Variants in ZNF722 observed in about 807,000 individuals in gnomAD.
The protein encoded by ZNF722 is zinc finger protein 722.
the ZNF722 span, among the ~76,000 whole-genome samples, chr7:64,008,646 G>C: frequency 3.3e-5 from 5 of 152,166 alleles, no homozygotes; most frequent in African/African-American, 4.8e-5. Flanking sequence ...GGTTACTGTA[G>C]CCTTGTAGTA....
At chr7:64,005,776 C>A in the ZNF722 span, 39 of 1,450,688 alleles carry the variant, frequency 2.7e-5, no homozygotes, top group Non-Finnish European at 3.7e-5. Flanking sequence ...TAATATATTG[C>A]CTTTCTCTCT....
chr7:64,015,463 G>A, the ZNF722 span: 17 of 1,611,024 alleles, frequency 1.1e-5, no homozygotes, highest in South Asian at 1.9e-4. Flanking sequence ...ACACATAAAA[G>A]AATTCATACT....
At chr7:64,004,564 G>A in the ZNF722 span, among the ~76,000 whole-genome samples, 1 of 150,660 alleles carries the variant, frequency 6.6e-6, no homozygotes, top group African/African-American at 2.4e-5. Context: ...TCCTAATAAA[G>A]TTGATAACAA....
the ZNF722 span, chr7:64,015,380 A>G: frequency 6.6e-7 from 1 of 1,512,848 alleles, no homozygotes; most frequent in Non-Finnish European, 9.1e-7. Flanking sequence ...AACATCAGAT[A>G]ATTCATACTA....
chr7:64,014,790 A>G, the ZNF722 span, among the ~76,000 whole-genome samples: 2 of 152,108 alleles, frequency 1.3e-5, no homozygotes, highest in South Asian at 4.1e-4. Context: ...TTTTCTTTCT[A>G]TATGGCTTTT....
At chr7:64,001,558 G>C in the ZNF722 span, among the ~76,000 whole-genome samples, 2 of 152,244 alleles carry the variant, frequency 1.3e-5, no homozygotes, top group African/African-American at 2.4e-5. Flanking sequence ...AAACATACAT[G>C]TGCATGTGTC....
chr7:64,006,803 T>A, the ZNF722 span, among the ~76,000 whole-genome samples: 1 of 146,544 alleles, frequency 6.8e-6, no homozygotes, highest in Non-Finnish European at 1.5e-5. Context: ...TTTACAAATT[T>A]TTTTCATTTT....
chr7:64,013,307 G>A, the ZNF722 span, among the ~76,000 whole-genome samples: 13 of 151,856 alleles, frequency 8.6e-5, no homozygotes, highest in African/African-American at 1.9e-4. Context: ...TTTTGAAGCC[G>A]TGATGTTATA....
the ZNF722 span, among the ~76,000 whole-genome samples, chr7:64,006,799 A>G: frequency 6.7e-6 from 1 of 148,998 alleles, no homozygotes. Flanking sequence ...TTTTTTTACA[A>G]ATTTTTTTCA....
the ZNF722 span, among the ~76,000 whole-genome samples, chr7:63,999,865 T>A: frequency 6.6e-6 from 1 of 151,564 alleles, no homozygotes; most frequent in Non-Finnish European, 1.5e-5. Context: ...CAGGCTAATT[T>A]TTGTATTTTT....
the ZNF722 span, among the ~76,000 whole-genome samples, chr7:64,001,818 A>G: frequency 6.6e-6 from 1 of 151,592 alleles, no homozygotes; most frequent in African/African-American, 2.4e-5. Flanking sequence ...TTTTTTCTCC[A>G]TTAGTCTAGT....
At chr7:64,000,419 G>A in the ZNF722 span, among the ~76,000 whole-genome samples, 4 of 118,866 alleles carry the variant, frequency 3.4e-5, no homozygotes, top group Non-Finnish European at 4.9e-5. Flanking sequence ...TTACAGGCGT[G>A]AGCCACCATG....
chr7:64,014,664 C>T, the ZNF722 span, among the ~76,000 whole-genome samples: 1 of 152,152 alleles, frequency 6.6e-6, no homozygotes, highest in Non-Finnish European at 1.5e-5. Context: ...TTCAGTCTTT[C>T]TGCTGTTGTA....
chr7:64,017,417 C>T, the ZNF722 span, among the ~76,000 whole-genome samples: 1 of 152,016 alleles, frequency 6.6e-6, no homozygotes, highest in Non-Finnish European at 1.5e-5. Context: ...AATGTGATTA[C>T]TGTAAAAACA....
At chr7:64,015,505 G>C in the ZNF722 span, 1 of 1,612,250 alleles carries the variant, frequency 6.2e-7, no homozygotes, top group Non-Finnish European at 8.5e-7. Flanking sequence ...GAGGAATGTG[G>C]CAAAGCCTTT....
At chr7:64,006,143 C>G in the ZNF722 span, 3 of 737,130 alleles carry the variant, frequency 4.1e-6, no homozygotes, top group Non-Finnish European at 4.1e-6. Flanking sequence ...TCTATTAAAT[C>G]CTCTTTACTA....
the ZNF722 span, chr7:64,015,137 A>AT: frequency 1.4e-6 from 2 of 1,430,342 alleles, no homozygotes; most frequent in Non-Finnish European, 2.0e-6. Flanking sequence ...AGAATTTACA[A>AT]TTTAAAAAAT....
At chr7:64,012,464 G>T in the ZNF722 span, among the ~76,000 whole-genome samples, 798 of 152,222 alleles carry the variant, frequency 5.2e-3, 6 homozygotes, top group Middle Eastern at 0.014. Flanking sequence ...TTTTGGTGTG[G>T]TTGTCCTTTT....
At chr7:64,015,614 A>G in the ZNF722 span, 1 of 1,611,892 alleles carries the variant, frequency 6.2e-7, no homozygotes, top group Non-Finnish European at 8.5e-7. Flanking sequence ...GCTCCTCAAC[A>G]CTTACTAACC....
Sources: gnomAD v4.1 joint callset for allele counts (sites outside exome capture counted in the v4.1 genomes callset) on GRCh38, gnomAD v4.1.1 for gene constraint, MANE v1.5 for transcripts, NCBI Gene and HGNC (gene_info 2026-07-23, HGNC 2026-07-21) for gene names.